Variants in THSD4 observed in about 807,000 individuals in gnomAD.
THSD4 encodes the protein thrombospondin type 1 domain containing 4.
A neutral mutation model predicts 119.0 loss-of-function variants in THSD4; 69 were observed. That is an observed-to-expected ratio of 0.58 (90% CI 0.48 to 0.71). The LOEUF is 0.71. THSD4 is among the 30% of genes least tolerant of loss of function. The probability of loss-of-function intolerance (pLI) is 0.00; values close to 1 mark genes in which losing one functional copy is unlikely to be tolerated. For synonymous variants in THSD4, 524 were observed against 540.4 expected (o/e 0.97, Z 0.42); for missense variants, 1,393 against 1,391.1 (o/e 1.00, Z -0.02).
At chr15:71,154,975 G>C in intron 3 of THSD4, 43 bp downstream of exon 3, 1 of 1,598,604 alleles carries the variant, frequency 6.3e-7, no homozygotes, top group Non-Finnish European at 8.6e-7. Context: ...TGCCCAAGGG[G>C]CTAGGGCCAC....
chr15:71,698,620 G>C (rs186054930), intron 8 of THSD4, among the ~76,000 whole-genome samples: 6 of 137,790 alleles, frequency 4.4e-5, no homozygotes, highest in African/African-American at 1.6e-4. Flanking sequence ...TGAAGAACTT[G>C]TGAAATATAT....
chr15:71,221,887 C>G (rs771211861), intron 4 of THSD4, among the ~76,000 whole-genome samples: 6 of 152,062 alleles, frequency 3.9e-5, no homozygotes, highest in Admixed American at 2.0e-4. Flanking sequence ...CACGAGGATT[C>G]CGTCCTCACC....
At position 71,777,608 on chromosome 15, in the gene THSD4, C is replaced by T; in HGVS notation, c.*234C>T. 1.8e-6 allele frequency: 1 copy of T among 561,318 alleles called. No homozygotes were observed. 34.8% of individuals were successfully genotyped at this position (561,318 alleles called of 1,614,324 possible). ...CATCACCATGTACTGATGATCCCCT[C>T]CTTGGACCTGGCATCTGCTAATGGT... On this transcript the variant is annotated 3_prime_UTR_variant, in exon 18 of 18. Coordinates refer to ENST00000261862, the MANE Select transcript of THSD4 (RefSeq NM_024817.3).
At chr15:71,107,687 G>A (rs545637843) in intron 1 of THSD4, among the ~76,000 whole-genome samples, 2 of 152,274 alleles carry the variant, frequency 1.3e-5, no homozygotes, top group Non-Finnish European at 2.9e-5. Context: ...GAATGTTCCC[G>A]TGACAACGGA....
rs1221277123 is a variant in THSD4, at chr15:71,727,577, TATATATATATACACACAC to T, written c.1358-970_1358-953del. Among the ~76,000 whole-genome samples, 134 of 36,074 alleles carry T rather than the reference TATATATATATACACACAC, an allele frequency of 3.7e-3. 2 individuals carry two copies. The highest frequency in any genetic ancestry group is 0.017 in the Middle Eastern group (1 of 60). The allele number at this position is 36,074 out of a possible 152,430, so 23.7% of individuals were successfully genotyped here. On this transcript the variant is annotated intron_variant, in intron 8 of 17. Transcript: ENST00000261862. The stretch of plus-strand genomic sequence containing the variant: ...AAATATATATATATATATATATATA[TATATATATATACACACAC>T]ACACACACACACACACACACACACA...
At chr15:71,658,795 T>A (rs1411039257) in intron 7 of THSD4, among the ~76,000 whole-genome samples, 1 of 152,218 alleles carries the variant, frequency 6.6e-6, no homozygotes, top group Non-Finnish European at 1.5e-5. Context: ...TGAGATGATG[T>A]TCTATTACTG....
chr15:71,218,019 G>A lies in THSD4; in HGVS notation c.464+2620G>A, dbSNP rs114218890. Among the ~76,000 whole-genome samples, 919 of 151,786 alleles carry A rather than the reference G, an allele frequency of 6.1e-3. 5 individuals are homozygous for A. Among genetic ancestry groups the A allele is most frequent in the African/African-American group, 0.021 (886 of 41,382 alleles). On this transcript the variant is annotated intron_variant, in intron 4 of 17. Transcript: ENST00000261862. Reference sequence around the variant, plus strand: ...CCAGGCTGGCCTCGAACTCCTGCCCGCTTCGGCCTCCCAAAGTGTTGGGAT... The same window carrying A: ...CCAGGCTGGCCTCGAACTCCTGCCCACTTCGGCCTCCCAAAGTGTTGGGAT...
At chr15:71,296,279 G>A (rs1036916441) in intron 6 of THSD4, among the ~76,000 whole-genome samples, 2 of 152,182 alleles carry the variant, frequency 1.3e-5, no homozygotes. Flanking sequence ...ATCAACAATA[G>A]ATAAGGGTTA....
At chr15:71,112,356 C>G, upstream of THSD4, 1 of 966,458 alleles carries the variant, frequency 1.0e-6, no homozygotes, top group Non-Finnish European at 1.5e-6. Context: ...AATAGGACAA[C>G]AGGTGTAAGC....
At chr15:71,353,259 A>G (rs2045766700) in intron 6 of THSD4, among the ~76,000 whole-genome samples, 1 of 152,210 alleles carries the variant, frequency 6.6e-6, no homozygotes, top group Admixed American at 6.5e-5. Context: ...TGAGGAACAT[A>G]AAATCTGTAT....
intron 7 of THSD4, among the ~76,000 whole-genome samples, chr15:71,598,155 C>T (rs531759601): frequency 5.3e-5 from 8 of 152,184 alleles, no homozygotes; most frequent in South Asian, 4.2e-4. Flanking sequence ...GGAAAGGCTT[C>T]GCCGAGCCAG....
intron 8 of THSD4, among the ~76,000 whole-genome samples, chr15:71,666,634 T>C (rs2051422607): frequency 6.7e-6 from 1 of 149,466 alleles, no homozygotes; most frequent in Non-Finnish European, 1.5e-5. Flanking sequence ...AAACTTACTA[T>C]TAATACTTTG....
rs1273785811 is a variant in THSD4, at chr15:71,390,819, C to T, written c.1016-20868C>T. Among the ~76,000 whole-genome samples, 3 of 137,984 alleles carry T rather than the reference C, an allele frequency of 2.2e-5. No homozygotes were observed. The East Asian group carries it at 6.9e-4, about 32-fold the overall frequency. The allele number at this position is 137,984 out of a possible 152,430, so 90.5% of individuals were successfully genotyped here. On this transcript the variant is annotated intron_variant, in intron 6 of 17. Coordinates refer to ENST00000261862, the MANE Select transcript of THSD4 (RefSeq NM_024817.3). ...AATTTGTCTCTTTTTCCGGGCTCCTCAATTTTTAGGTAATTATGATTGGCT... is the reference window on the plus strand; with the variant it reads ...AATTTGTCTCTTTTTCCGGGCTCCTTAATTTTTAGGTAATTATGATTGGCT...
At chr15:71,219,941 T>C (rs2043961682) in intron 4 of THSD4, among the ~76,000 whole-genome samples, 1 of 152,168 alleles carries the variant, frequency 6.6e-6, no homozygotes, top group African/African-American at 2.4e-5. Context: ...AAAAGCTGTG[T>C]GGAGGTTGGG....
At chr15:71,441,550 C>T (rs978401777) in intron 7 of THSD4, among the ~76,000 whole-genome samples, 8 of 151,276 alleles carry the variant, frequency 5.3e-5, no homozygotes, top group African/African-American at 1.9e-4. Context: ...TGTGCGCCAC[C>T]ACACCAGCTA....
At chr15:71,558,278 C>T (rs1002936531) in intron 7 of THSD4, among the ~76,000 whole-genome samples, 11 of 151,944 alleles carry the variant, frequency 7.2e-5, no homozygotes, top group Non-Finnish European at 1.0e-4. Context: ...CAGTGAGCTG[C>T]GACTGCACCA....
At chr15:71,317,876 G>A (rs561854628) in intron 6 of THSD4, among the ~76,000 whole-genome samples, 15 of 152,246 alleles carry the variant, frequency 9.9e-5, no homozygotes, top group African/African-American at 3.6e-4. Flanking sequence ...AATTCTCATG[G>A]CATTAAATGA....
intron 7 of THSD4, among the ~76,000 whole-genome samples, chr15:71,512,445 G>T (rs370043583): frequency 6.6e-6 from 1 of 152,232 alleles, no homozygotes; most frequent in East Asian, 1.9e-4. Context: ...TATTAAAGAC[G>T]ACAGTAAAAC....
At chr15:71,681,818 T>C (rs2051787660) in intron 8 of THSD4, among the ~76,000 whole-genome samples, 1 of 152,144 alleles carries the variant, frequency 6.6e-6, no homozygotes, top group African/African-American at 2.4e-5. Flanking sequence ...TACCAAGATG[T>C]TCATGGGGGC....
Sources: gnomAD v4.1 joint callset for allele counts (sites outside exome capture counted in the v4.1 genomes callset) on GRCh38, gnomAD v4.1.1 for gene constraint, MANE v1.5 for transcripts, NCBI Gene and HGNC (gene_info 2026-07-23, HGNC 2026-07-21) for gene names.